The following DLGAP1 variants were observed in gnomAD, a reference collection of about 807,000 sequenced individuals.
The protein encoded by DLGAP1 is disks large-associated protein 1.
DLGAP1 carries 11 observed loss-of-function variants against 90.8 expected under a neutral mutation model. That is an observed-to-expected ratio of 0.12 (90% CI 0.08 to 0.20). The LOEUF (loss-of-function observed/expected upper bound fraction) is 0.20, where lower values mean the gene tolerates loss of function less well. Among genes scored for constraint, DLGAP1 ranks in the 10% least tolerant of loss-of-function variants. The probability of loss-of-function intolerance (pLI) is 1.00; values close to 1 mark genes in which losing one functional copy is unlikely to be tolerated. For synonymous variants in DLGAP1, 558 were observed against 540.7 expected, an observed-to-expected ratio of 1.03 and a Z score of -0.44; for missense variants, 1,050 against 1,333.8, an observed-to-expected ratio of 0.79 and a Z score of 3.31.
intron 7 of DLGAP1, among the ~76,000 whole-genome samples, chr18:3,644,559 C>T (rs2059053458): frequency 6.6e-6 from 1 of 152,008 alleles, no homozygotes; most frequent in South Asian, 2.1e-4. Flanking sequence ...TACAGGCGCT[C>T]ACCACCATTC....
intron 7 of DLGAP1, among the ~76,000 whole-genome samples, chr18:3,670,187 GTAAGTGTGTGCAAAGCATA>G (rs1389500167): frequency 6.6e-6 from 1 of 152,220 alleles, no homozygotes; most frequent in Non-Finnish European, 1.5e-5. Context: ...CTTTTGAAGT[GTAAGTGTGTGCAAAGCATA>G]TTCAGACTTA....
chr18:4,397,335 T>C (rs2082461857), intron 1 of DLGAP1, among the ~76,000 whole-genome samples: 1 of 152,220 alleles, frequency 6.6e-6, no homozygotes, highest in East Asian at 1.9e-4. Context: ...GTAACTGATA[T>C]AAAAGTCAGA....
rs192690971 is a variant in DLGAP1 at position 4,335,522 on chromosome 18, T to C, written c.-267+119484A>G. Among the ~76,000 whole-genome samples the C allele has an allele frequency of 1.4e-4, 21 of 152,008 alleles. No homozygotes were observed. In the East Asian group the frequency reaches 3.5e-3, roughly 25 times the overall value. On this transcript the variant is annotated intron_variant, in intron 1 of 12. Transcript: ENST00000315677. The stretch of plus-strand genomic sequence containing the variant: ...CTTGAATTTTTAGGTTGACCGGTCA[T>C]TGAAAATGCAGATTACTTTAACTGC...
Position 3,590,431 on chromosome 18 carries a change from A to T in DLGAP1, c.1592-8183T>A, listed in dbSNP as rs563944699. Among the ~76,000 whole-genome samples, 11 of 152,274 alleles carry T rather than the reference A, an allele frequency of 7.2e-5. No homozygotes were observed. The South Asian group carries it at 1.9e-3, about 26-fold the overall frequency. On this transcript the variant is annotated intron_variant, in intron 7 of 12. Coordinates refer to ENST00000315677, the MANE Select transcript of DLGAP1 (RefSeq NM_004746.4). The stretch of plus-strand genomic sequence containing the variant: ...AGGTTCCCCCCTGTGGATTTTCTTC[A>T]ATCAGAGAGCCGGTTGTTAAGCATT...
intron 1 of DLGAP1, among the ~76,000 whole-genome samples, chr18:4,290,010 C>A (rs1163793863): frequency 6.6e-6 from 1 of 152,048 alleles, no homozygotes; most frequent in Non-Finnish European, 1.5e-5. Context: ...ATGTAACATT[C>A]TATGTAAAAA....
chr18:3,697,386 T>C (rs1448836365), intron 7 of DLGAP1, among the ~76,000 whole-genome samples: 2 of 152,220 alleles, frequency 1.3e-5, no homozygotes, highest in Non-Finnish European at 2.9e-5. Flanking sequence ...TCTGGTACGT[T>C]GTGTCTTTGT....
At chr18:3,651,215 T>A (rs1264385489) in intron 7 of DLGAP1, among the ~76,000 whole-genome samples, 3 of 151,680 alleles carry the variant, frequency 2.0e-5, no homozygotes, top group Non-Finnish European at 4.4e-5. Context: ...AAAAATTAGC[T>A]GGGCATGGTG....
At chr18:3,801,090 C>T (rs1045147843) in intron 5 of DLGAP1, among the ~76,000 whole-genome samples, 1 of 152,004 alleles carries the variant, frequency 6.6e-6, no homozygotes, top group African/African-American at 2.4e-5. Flanking sequence ...TGGGGAGGTG[C>T]CACACTCTTG....
chr18:4,191,886 G>C (rs1449317945), intron 1 of DLGAP1, among the ~76,000 whole-genome samples: 1 of 152,088 alleles, frequency 6.6e-6, no homozygotes, highest in Non-Finnish European at 1.5e-5. Flanking sequence ...AGAGTTCCAT[G>C]GGTGCACACA....
At chr18:3,540,394 C>A (rs572074550) in intron 9 of DLGAP1, among the ~76,000 whole-genome samples, 1 of 145,384 alleles carries the variant, frequency 6.9e-6, no homozygotes, top group Non-Finnish European at 1.5e-5. Flanking sequence ...TTGAAGAACC[C>A]GGGAGGCAGA....
chr18:3,658,051 A>C (rs2059564993), intron 7 of DLGAP1, among the ~76,000 whole-genome samples: 1 of 152,242 alleles, frequency 6.6e-6, no homozygotes, highest in Non-Finnish European at 1.5e-5. Context: ...ATGTGATATA[A>C]GTTATTTTTA....
intron 5 of DLGAP1, among the ~76,000 whole-genome samples, chr18:3,784,198 G>A (rs145276514): frequency 6.6e-6 from 1 of 152,250 alleles, no homozygotes; most frequent in East Asian, 1.9e-4. Flanking sequence ...AGAAGTGTCA[G>A]CCCCCAAGCC....
Position 3,656,135 on chromosome 18 carries a change from G to A in DLGAP1, c.1591+73000C>T, listed in dbSNP as rs561730729. The stretch of plus-strand genomic sequence containing the variant: ...ACACCTTGAATAAAAACAAAAAGTG[G>A]CAGTTATATAATGGACCCAAATCGC... On this transcript the variant is annotated intron_variant, in intron 7 of 12. Transcript: ENST00000315677. 1.7e-5 allele frequency: 26 copies of A among 1,545,168 alleles called. 1 individual carries two copies. In the East Asian group the frequency reaches 6.4e-4, roughly 38 times the overall value.
chr18:3,803,385 G>T (rs1391181551), intron 5 of DLGAP1, among the ~76,000 whole-genome samples: 2 of 152,094 alleles, frequency 1.3e-5, no homozygotes, highest in African/African-American at 4.8e-5. Flanking sequence ...GGCTCTGAAG[G>T]CACAAACCCC....
chr18:3,761,998 C>A (rs1001575884), intron 5 of DLGAP1, among the ~76,000 whole-genome samples: 4 of 152,172 alleles, frequency 2.6e-5, no homozygotes, highest in African/African-American at 4.8e-5. Context: ...GGGACCAACA[C>A]AATAAAAACA....
intron 1 of DLGAP1, among the ~76,000 whole-genome samples, chr18:4,414,245 C>A (rs2082842478): frequency 6.6e-6 from 1 of 152,098 alleles, no homozygotes; most frequent in Non-Finnish European, 1.5e-5. Context: ...TAAATTTAAA[C>A]TATTTATATG....
At chr18:4,080,978 T>C (rs982496264) in intron 2 of DLGAP1, among the ~76,000 whole-genome samples, 4 of 150,082 alleles carry the variant, frequency 2.7e-5, no homozygotes, top group Non-Finnish European at 5.9e-5. Flanking sequence ...AACCTCCGCC[T>C]CCCTGGTTCA....
At chr18:3,675,305 C>G (rs747148848) in intron 7 of DLGAP1, among the ~76,000 whole-genome samples, 5 of 152,238 alleles carry the variant, frequency 3.3e-5, no homozygotes, top group Non-Finnish European at 5.9e-5. Flanking sequence ...GAACCCCTGA[C>G]CTCAGGTAAT....
chr18:4,276,648 AT>A (rs1403725176), intron 1 of DLGAP1, among the ~76,000 whole-genome samples: 1 of 152,114 alleles, frequency 6.6e-6, no homozygotes, highest in African/African-American at 2.4e-5. Flanking sequence ...AAAAAAAAAA[AT>A]AAACAAATAT....
Sources: gnomAD v4.1 joint callset for allele counts (sites outside exome capture counted in the v4.1 genomes callset) on GRCh38, gnomAD v4.1.1 for gene constraint, MANE v1.5 for transcripts, NCBI Gene and HGNC (gene_info 2026-07-23, HGNC 2026-07-21) for gene names.